Variants in GRAMD1C observed in about 807,000 individuals in gnomAD.
The protein encoded by GRAMD1C is protein Aster-C.
Under a neutral mutation model 97.8 loss-of-function variants are expected in GRAMD1C, and 89 were observed. The ratio of observed to expected loss-of-function variants is 0.91; its 90% CI spans 0.77 to 1.09. The LOEUF (loss-of-function observed/expected upper bound fraction) is 1.09, where lower values mean the gene tolerates loss of function less well. GRAMD1C is among the 50% of genes least tolerant of loss of function. The pLI, the probability that GRAMD1C is intolerant of heterozygous loss-of-function variation, is 0.00. For missense variants in GRAMD1C, 740 were observed against 766.4 expected (o/e 0.97, Z 0.41); for synonymous variants, 256 against 267.0 (o/e 0.96, Z 0.40).
rs1166535996 is a variant in GRAMD1C at position 113,933,578 on chromosome 3, TC to T, written c.1281del (p.Tyr428ThrfsTer8). On this transcript the variant is annotated frameshift_variant, in exon 12 of 18. Coordinates refer to ENST00000358160, the MANE Select transcript of GRAMD1C (RefSeq NM_017577.5). LOFTEE classifies it high-confidence loss of function. ...GATTCAGAAGTACTGACACATGATG[TC>T]CCCTACCATGATTACTTCTATACCG... ...LVDSEVLTHD[V>X]PYHDYFYTVN... 1.3e-6 allele frequency: 2 copies of T among 1,599,752 alleles called. No homozygotes were observed. The highest frequency in any genetic ancestry group is 1.7e-6 in the Non-Finnish European group (2 of 1,166,960).
rs1938078195 is a variant in GRAMD1C at position 113,946,359 on chromosome 3, ATGTG to A, written c.*886_*889del. The A allele has an allele frequency of 6.6e-6, 1 of 152,512 alleles. No individual in the cohort carries two copies. The highest frequency in any genetic ancestry group is 2.1e-4 in the South Asian group (1 of 4,830). The allele number at this position is 152,512 out of a possible 1,614,324, so 9.4% of individuals were successfully genotyped here. A position where few individuals can be genotyped will look rare whatever the true frequency, so the allele number is the denominator to read the frequency against. On this transcript the variant is annotated 3_prime_UTR_variant, in exon 18 of 18. Coordinates refer to ENST00000358160, the MANE Select transcript of GRAMD1C (RefSeq NM_017577.5). ...CCATGTATGGCTTCCTTCTTTATGTATGTGTGTGACTTGTTTTGATTGGTAAGTT... is the reference window on the plus strand; with the variant it reads ...CCATGTATGGCTTCCTTCTTTATGTATGTGACTTGTTTTGATTGGTAAGTT...
rs1937684849 is a variant in GRAMD1C, at chr3:113,939,892, G to A, written c.1698G>A (p.Leu566=). Residue 566 remains leucine, a synonymous_variant, in exon 16 of 18, where the codon TTG becomes TTA. Coordinates refer to ENST00000358160, the MANE Select transcript of GRAMD1C (RefSeq NM_017577.5). The part of the protein sequence containing the change: ...TLIVVMSIFV[L]LLVLLNVTLF... ...TATAATTTGCTCTGCCTAGTGTGTT[G>A]TTATTAGTTTTGTTGAATGTGACAC... The A allele has an allele frequency of 6.4e-7, 1 of 1,566,226 alleles. No individual in the cohort carries two copies. Among genetic ancestry groups the A allele is most frequent in the African/African-American group, 1.4e-5 (1 of 74,012 alleles).
At chr3:113,915,632 A>C in intron 9 of GRAMD1C, 69 bp from the exon 10 acceptor site, 1 of 1,264,826 alleles carries the variant, frequency 7.9e-7, no homozygotes, top group Non-Finnish European at 1.1e-6. Context: ...ACCCCACGAA[A>C]CCCCCTAAAG....
At chr3:113,944,735 T>A (rs1390305193) in intron 17 of GRAMD1C, among the ~76,000 whole-genome samples, 1 of 152,244 alleles carries the variant, frequency 6.6e-6, no homozygotes, top group Non-Finnish European at 1.5e-5. Flanking sequence ...TATTTGGTTC[T>A]CCATTGTATA....
intron 2 of GRAMD1C, among the ~76,000 whole-genome samples, chr3:113,845,962 T>C (rs1273140941): frequency 6.6e-6 from 1 of 152,138 alleles, no homozygotes; most frequent in East Asian, 1.9e-4. Context: ...TTTGAAATAT[T>C]TTCTAAGGAA....
At chr3:113,944,768 A>G (rs1937988247) in intron 17 of GRAMD1C, among the ~76,000 whole-genome samples, 1 of 152,228 alleles carries the variant, frequency 6.6e-6, no homozygotes, top group African/African-American at 2.4e-5. Context: ...AACACTGCCC[A>G]ACATGTGATA....
At chr3:113,894,857 C>T (rs1452921115) in intron 6 of GRAMD1C, among the ~76,000 whole-genome samples, 1 of 152,060 alleles carries the variant, frequency 6.6e-6, no homozygotes, top group South Asian at 2.1e-4. Context: ...TACAGATATA[C>T]GCTGTCTAAA....
At chr3:113,850,795 T>A in intron 2 of GRAMD1C, 1 of 773,336 alleles carries the variant, frequency 1.3e-6, no homozygotes, top group South Asian at 3.4e-5. Context: ...TTTTTATTTT[T>A]ATTTTTTTAA....
chr3:113,837,723 AAAAC>A (rs58525780), upstream of GRAMD1C, among the ~76,000 whole-genome samples: 98,096 of 149,876 alleles, frequency 0.65, 32,181 homozygotes, highest in South Asian at 0.71. Context: ...CCTGTCTCAA[AAAAC>A]AAACAAACAA....
intron 2 of GRAMD1C, among the ~76,000 whole-genome samples, chr3:113,867,799 T>C (rs1934643091): frequency 6.6e-6 from 1 of 152,236 alleles, no homozygotes; most frequent in African/African-American, 2.4e-5. Context: ...TTGGGATTCA[T>C]TGAGTTTCTT....
chr3:113,897,439 ATCT>A (rs772473174), intron 6 of GRAMD1C: 7 of 594,708 alleles, frequency 1.2e-5, no homozygotes, highest in Non-Finnish European at 1.5e-5. Context: ...CTGTTTACCT[ATCT>A]TCTTCTTGTA....
At chr3:113,937,090 C>T (rs1371012422) in intron 14 of GRAMD1C, among the ~76,000 whole-genome samples, 1 of 152,190 alleles carries the variant, frequency 6.6e-6, no homozygotes, top group African/African-American at 2.4e-5. Flanking sequence ...TTTGAGTGTA[C>T]TGCTCTCTTA....
intron 2 of GRAMD1C, among the ~76,000 whole-genome samples, chr3:113,863,932 A>G (rs1934492114): frequency 6.6e-6 from 1 of 152,110 alleles, no homozygotes; most frequent in Non-Finnish European, 1.5e-5. Flanking sequence ...TAGTCTCTAG[A>G]TCCTCTCCTG....
At chr3:113,917,744 G>A (rs1306716275) in intron 10 of GRAMD1C, among the ~76,000 whole-genome samples, 2 of 150,576 alleles carry the variant, frequency 1.3e-5, no homozygotes, top group East Asian at 3.9e-4. Context: ...CCAGGCTGGA[G>A]TGCTATGGTG....
intron 14 of GRAMD1C, among the ~76,000 whole-genome samples, chr3:113,937,732 C>T (rs143181310): frequency 1.0e-3 from 155 of 152,264 alleles, no homozygotes; most frequent in African/African-American, 3.4e-3. Flanking sequence ...GGGCTGGGTG[C>T]GGTGGCTCAC....
intron 15 of GRAMD1C, chr3:113,939,105 T>G (rs149439873): frequency 6.6e-6 from 1 of 152,328 alleles, no homozygotes; most frequent in Admixed American, 6.5e-5. Flanking sequence ...AAGATTGGAT[T>G]TTCTTGCTAC....
upstream of GRAMD1C, among the ~76,000 whole-genome samples, chr3:113,836,746 C>T (rs544421081): frequency 4.6e-5 from 7 of 152,004 alleles, no homozygotes; most frequent in South Asian, 8.3e-4. Flanking sequence ...CAGGTTCAAG[C>T]GATTCTCCTG....
chr3:113,939,985 G>C lies in GRAMD1C; in HGVS notation c.1791G>C (p.Glu597Asp), dbSNP rs267599550. Residue 597 changes from glutamate to aspartate, a missense_variant, in exon 16 of 18, where the codon GAG (glutamate) becomes GAC (aspartate). By Grantham distance (45) the Glu-to-Asp change is conservative (BLOSUM62 2). Coordinates refer to ENST00000358160, the MANE Select transcript of GRAMD1C (RefSeq NM_017577.5). ...QSFYRLRLQE[E>D]KSLNLASDMV... ...TTTACCGTCTCCGCCTCCAAGAAGAGAAATCTTTAAAGTAAGTCTTTTTCC... is the reference window on the plus strand; with the variant it reads ...TTTACCGTCTCCGCCTCCAAGAAGACAAATCTTTAAAGTAAGTCTTTTTCC... 28 of 1,555,246 alleles carry C rather than the reference G, an allele frequency of 1.8e-5. No homozygotes were observed. In the South Asian group the frequency reaches 2.7e-4, roughly 15 times the overall value.
At chr3:113,850,062 C>T (rs554772174) in intron 2 of GRAMD1C, among the ~76,000 whole-genome samples, 8 of 151,908 alleles carry the variant, frequency 5.3e-5, no homozygotes, top group Admixed American at 1.3e-4. Flanking sequence ...GCTGGCCGGA[C>T]GGGGGGCTGA....
Sources: gnomAD v4.1 joint callset for allele counts (sites outside exome capture counted in the v4.1 genomes callset) on GRCh38, gnomAD v4.1.1 for gene constraint, MANE v1.5 for transcripts, NCBI Gene and HGNC (gene_info 2026-07-23, HGNC 2026-07-21) for gene names.